POLB: variants seen among roughly 807,000 people sequenced by gnomAD.
POLB encodes DNA polymerase beta.
Under a neutral mutation model 52.7 loss-of-function variants are expected in POLB, and 37 were observed. The observed-to-expected ratio is 0.70, with a 90% CI of 0.54 to 0.92. The LOEUF (loss-of-function observed/expected upper bound fraction) is 0.92, where lower values mean the gene tolerates loss of function less well. POLB is among the 40% of genes least tolerant of loss of function. The pLI, the probability that POLB is intolerant of heterozygous loss-of-function variation, is 0.00. For missense variants in POLB, 313 were observed against 400.8 expected (o/e 0.78, Z 1.87); for synonymous variants, 138 against 131.3 (o/e 1.05, Z -0.35).
chr8:42,342,546 GT>G, intron 2 of POLB: 3 of 786,056 alleles, frequency 3.8e-6, no homozygotes, highest in Non-Finnish European at 6.7e-6. Context: ...TCTGAGCATA[GT>G]AATCAGTTTT....
chr8:42,371,419 G>A (rs770669946), intron 13 of POLB, 144 bp from the exon 14 acceptor site: 2 of 423,882 alleles, frequency 4.7e-6, no homozygotes, highest in Admixed American at 3.9e-5. Flanking sequence ...TACCACATCC[G>A]CCGGTCTTTT....
intron 6 of POLB, 22 bp downstream of exon 6, chr8:42,352,590 TA>T: frequency 7.0e-7 from 1 of 1,427,618 alleles, no homozygotes; most frequent in Non-Finnish European, 9.9e-7. Context: ...TGTAGGTCAC[TA>T]ATTCCAGATT....
intron 9 of POLB, 126 bp from the exon 10 acceptor site, chr8:42,361,169 A>G (rs1211883209): frequency 1.4e-6 from 1 of 733,878 alleles, no homozygotes; most frequent in South Asian, 1.5e-5. Context: ...TCTAACTATG[A>G]AGCACAGTGA....
intron 10 of POLB, among the ~76,000 whole-genome samples, chr8:42,362,331 T>C (rs1277763563): frequency 6.6e-6 from 1 of 150,698 alleles, no homozygotes; most frequent in Non-Finnish European, 1.5e-5. Context: ...AGAAAACTCA[T>C]GTTAAAAATG....
At chr8:42,351,439 A>C (rs904657983) in intron 5 of POLB, among the ~76,000 whole-genome samples, 3 of 152,162 alleles carry the variant, frequency 2.0e-5, no homozygotes, top group Admixed American at 2.0e-4. Context: ...TTGTATGTTT[A>C]TATGTGTGTG....
chr8:42,353,196 C>A (rs1245854749), intron 6 of POLB, among the ~76,000 whole-genome samples: 1 of 144,410 alleles, frequency 6.9e-6, no homozygotes. Context: ...TTTTGCTCTG[C>A]CTCCCAGGTT....
At chr8:42,339,091 G>A (rs1234380170) in intron 2 of POLB, 22 bp downstream of exon 2, 2 of 1,584,832 alleles carry the variant, frequency 1.3e-6, no homozygotes, top group Non-Finnish European at 1.7e-6. Context: ...CAGCATTCTC[G>A]GGTAGCATAC....
chr8:42,342,976 G>A (rs529858428), intron 2 of POLB, among the ~76,000 whole-genome samples: 18 of 152,160 alleles, frequency 1.2e-4, no homozygotes, highest in Admixed American at 2.6e-4. Flanking sequence ...ATCATTTGAG[G>A]TCAGGAGTTG....
At chr8:42,361,525 C>T (rs1823685384) in intron 10 of POLB, 160 bp downstream of exon 10, 5 of 613,602 alleles carry the variant, frequency 8.1e-6, no homozygotes, top group Non-Finnish European at 1.5e-5. Context: ...GCAAATTTCT[C>T]GAAAAGGATA....
intron 13 of POLB, among the ~76,000 whole-genome samples, chr8:42,371,131 C>CT (rs1206711598): frequency 1.1e-4 from 17 of 151,340 alleles, no homozygotes; most frequent in East Asian, 5.8e-4. Context: ...TAGTCAGTGT[C>CT]TTTTTTTTTG....
chr8:42,342,128 G>A (rs1822240044), intron 2 of POLB: 3 of 1,368,948 alleles, frequency 2.2e-6, no homozygotes, highest in Non-Finnish European at 3.1e-6. Context: ...GGTACTTTGA[G>A]GGATAGACAA....
At chr8:42,369,531 T>C in intron 12 of POLB, 196 bp downstream of exon 12, 2 of 518,890 alleles carry the variant, frequency 3.9e-6, no homozygotes, top group Non-Finnish European at 6.8e-6. Context: ...CTCCAATTTA[T>C]TTTCTCTAGA....
intron 6 of POLB, among the ~76,000 whole-genome samples, chr8:42,355,022 G>A (rs1463774364): frequency 1.3e-5 from 2 of 151,996 alleles, no homozygotes; most frequent in African/African-American, 4.8e-5. Context: ...AATTTGGTGT[G>A]ATTCTGTTTT....
chr8:42,353,174 CTTTTTTT>C (rs1268234381), intron 6 of POLB, among the ~76,000 whole-genome samples: 1 of 138,388 alleles, frequency 7.2e-6, no homozygotes, highest in Non-Finnish European at 1.6e-5. Flanking sequence ...GCCTTTATTT[CTTTTTTT>C]TTTTTTTTGC....
At chr8:42,367,472 G>A (rs1290106579) in intron 11 of POLB, among the ~76,000 whole-genome samples, 1 of 152,166 alleles carries the variant, frequency 6.6e-6, no homozygotes, top group Non-Finnish European at 1.5e-5. Context: ...CTATGGGAAT[G>A]AGCATGAGCA....
rs367648880 is a variant in POLB at position 42,353,793 on chromosome 8, G to A, written c.370+1225G>A. Among the ~76,000 whole-genome samples the A allele has an allele frequency of 1.9e-4, 29 of 152,200 alleles. No homozygotes were observed. In the East Asian group the frequency reaches 2.3e-3, roughly 12 times the overall value. On this transcript the variant is annotated intron_variant, in intron 6 of 13. Transcript: ENST00000265421. ...TATTAGAGTGGGATGACCTTATTGC[G>A]TCAGTTTCACACCTACAAAATGGGT...
intron 11 of POLB, among the ~76,000 whole-genome samples, chr8:42,368,542 A>G (rs572525107): frequency 1.3e-5 from 2 of 152,274 alleles, no homozygotes; most frequent in East Asian, 1.9e-4. Flanking sequence ...CTTGTTTTAC[A>G]TATGTATGGG....
chr8:42,343,107 G>A (rs1177496520), intron 2 of POLB, among the ~76,000 whole-genome samples: 2 of 151,676 alleles, frequency 1.3e-5, no homozygotes, highest in East Asian at 3.9e-4. Context: ...CAGATCACGA[G>A]GTCAGGAGAT....
At chr8:42,344,352 C>G (rs1226557866) in intron 2 of POLB, among the ~76,000 whole-genome samples, 1 of 151,422 alleles carries the variant, frequency 6.6e-6, no homozygotes, top group Non-Finnish European at 1.5e-5. Context: ...ACCTATAATC[C>G]CAGCAACTTG....
Sources: gnomAD v4.1 joint callset for allele counts (sites outside exome capture counted in the v4.1 genomes callset) on GRCh38, gnomAD v4.1.1 for gene constraint, MANE v1.5 for transcripts, NCBI Gene and HGNC (gene_info 2026-07-23, HGNC 2026-07-21) for gene names.